The following ZNF292 variants were observed in gnomAD, a reference collection of about 807,000 sequenced individuals.
The protein encoded by ZNF292 is zinc finger protein 292.
A neutral mutation model predicts 217.9 loss-of-function variants in ZNF292; 26 were observed. That is an observed-to-expected ratio of 0.12 (90% CI 0.09 to 0.17). ZNF292 has a LOEUF of 0.17. Ranked by LOEUF, ZNF292 falls within the 10% of genes least tolerant of loss-of-function variation. ZNF292 has a pLI of 1.00. For missense variants in ZNF292, 2,904 were observed against 3,175.2 expected (o/e 0.91, Z 2.05); for synonymous variants, 1,257 against 1,124.1 (o/e 1.12, Z -2.37).
intron 7 of ZNF292, among the ~76,000 whole-genome samples, chr6:87,250,535 A>G (rs993711790): frequency 6.6e-6 from 1 of 152,216 alleles, no homozygotes; most frequent in African/African-American, 2.4e-5. Context: ...ATCTATGCAA[A>G]TGAAGTAATA....
intron 4 of ZNF292, among the ~76,000 whole-genome samples, chr6:87,221,310 AT>A (rs1400988116): frequency 6.6e-6 from 1 of 152,204 alleles, no homozygotes; most frequent in Non-Finnish European, 1.5e-5. Context: ...AATATTACTT[AT>A]GCCTCTCTTT....
chr6:87,256,754 A>G lies in ZNF292; in HGVS notation c.3125A>G (p.Asn1042Ser), dbSNP rs750172686. The change falls in exon 8 of 8, where the codon AAT (asparagine) becomes AGT (serine). Residue 1042 changes from asparagine to serine, a missense_variant. By Grantham distance (46) the Asn-to-Ser change is conservative (BLOSUM62 1). Transcript: ENST00000369577. The stretch of plus-strand genomic sequence containing the variant: ...CAAAATCAGGCAGCATTTCAAAACA[A>G]TTTACCAACTTCCAAATTTGAATGT... ...SVQNQAAFQN[N>S]LPTSKFECGD... The G allele has an allele frequency of 3.7e-6, 6 of 1,612,694 alleles. No individual in the cohort carries two copies. Among genetic ancestry groups the G allele is most frequent in the Non-Finnish European group, 5.1e-6 (6 of 1,179,812 alleles).
chr6:87,165,944 T>G (rs9362400), intron 1 of ZNF292, among the ~76,000 whole-genome samples: 95,052 of 151,606 alleles, frequency 0.63, 31,273 homozygotes, highest in African/African-American at 0.83. Flanking sequence ...TTTTAGTAGA[T>G]ACTAGGTTTC....
At position 87,261,470 on chromosome 6, in the gene ZNF292, A is replaced by G; in HGVS notation, c.7841A>G (p.His2614Arg). 6.2e-7 allele frequency: 1 copy of G among 1,604,954 alleles called. No individual in the cohort carries two copies. The highest frequency in any genetic ancestry group is 8.5e-7 in the Non-Finnish European group (1 of 1,175,096). ...VKQKKNTDKD[H>R]PNTGNKKGSH... ...CAGAAGAAAAATACTGACAAAGACCATCCGAATACTGGAAACAAAAAAGGA... is the reference window on the plus strand; with the variant it reads ...CAGAAGAAAAATACTGACAAAGACCGTCCGAATACTGGAAACAAAAAAGGA... Residue 2614 changes from histidine to arginine, a missense_variant, in exon 8 of 8, where the codon CAT becomes CGT. Physicochemically the swap from His to Arg is conservative, Grantham distance 29. Around this residue, in one of 15 missense-constraint regions of ZNF292, gnomAD observed 380 missense variants for 355.3 expected, o/e 1.07. Transcript: ENST00000369577.
chr6:87,239,872 G>C (rs1416191064), intron 5 of ZNF292, among the ~76,000 whole-genome samples: 1 of 151,694 alleles, frequency 6.6e-6, no homozygotes, highest in Non-Finnish European at 1.5e-5. Context: ...CCCAGACTGG[G>C]CAGCCGGGCA....
chr6:87,155,859 A>G, intron 1 of ZNF292, 100 bp downstream of exon 1: 2 of 1,386,870 alleles, frequency 1.4e-6, no homozygotes, highest in Non-Finnish European at 1.9e-6. Flanking sequence ...CTTCCTTGGC[A>G]TCATCGGCGC....
chr6:87,159,745 C>A (rs1052045084), intron 1 of ZNF292, among the ~76,000 whole-genome samples: 1 of 152,094 alleles, frequency 6.6e-6, no homozygotes, highest in Admixed American at 6.5e-5. Context: ...TCCCAAAGTG[C>A]TGGGATTACA....
Position 87,257,854 on chromosome 6 carries a change from G to A in ZNF292, c.4225G>A (p.Ala1409Thr), listed in dbSNP as rs1775316902. 6.2e-7 allele frequency: 1 copy of A among 1,613,876 alleles called. No homozygotes were observed. The highest frequency in any genetic ancestry group is 8.5e-7 in the Non-Finnish European group (1 of 1,179,800). Reference protein sequence around the residue: ...YCKPLDGAEIAQELLQSNGQP... With the variant: ...YCKPLDGAEITQELLQSNGQP... ...TAAACCACTGGATGGAGCCGAAATT[G>A]CTCAAGAACTTCTACAGAGTAATGG... Residue 1409 changes from alanine (A) to threonine (T), a missense_variant, in exon 8 of 8, where the codon GCT becomes ACT. Ala to Thr is a moderately conservative substitution (Grantham distance 58, BLOSUM62 0). This residue lies in a region of ZNF292 where 622 missense variants were observed against 573.1 expected (regional missense o/e 1.09). Transcript: ENST00000369577.
intron 1 of ZNF292, among the ~76,000 whole-genome samples, chr6:87,195,804 G>C (rs1054185486): frequency 2.0e-5 from 3 of 151,994 alleles, no homozygotes; most frequent in African/African-American, 2.4e-5. Flanking sequence ...GAGGCAGGTG[G>C]ATCACCTGAG....
At chr6:87,219,768 G>C (rs1456410956) in intron 4 of ZNF292, among the ~76,000 whole-genome samples, 3 of 152,126 alleles carry the variant, frequency 2.0e-5, no homozygotes, top group Non-Finnish European at 4.4e-5. Context: ...CCAAAAATTA[G>C]CTACAGTGTT....
Position 87,214,577 on chromosome 6 carries a change from G to A in ZNF292, c.169-1326G>A, listed in dbSNP as rs569024148. Among the ~76,000 whole-genome samples the A allele has an allele frequency of 5.9e-5, 9 of 152,076 alleles. No individual in the cohort carries two copies. In the South Asian group the frequency reaches 1.5e-3, roughly 25 times the overall value. On this transcript the variant is annotated intron_variant, in intron 1 of 7. Coordinates refer to ENST00000369577, the MANE Select transcript of ZNF292 (RefSeq NM_015021.3). The stretch of plus-strand genomic sequence containing the variant: ...AACTTTACTGAGAAATTTTGCTGTG[G>A]AGTTGGTTTTGGACCTAGTTGAGTA...
intron 4 of ZNF292, among the ~76,000 whole-genome samples, chr6:87,219,902 AC>A (rs1264545729): frequency 1.3e-5 from 2 of 152,152 alleles, no homozygotes; most frequent in Non-Finnish European, 1.5e-5. Flanking sequence ...ATCATGGCTC[AC>A]CGCAGCCTCA....
At chr6:87,252,161 T>G (rs1046875222) in intron 7 of ZNF292, among the ~76,000 whole-genome samples, 1 of 151,484 alleles carries the variant, frequency 6.6e-6, no homozygotes, top group African/African-American at 2.4e-5. Flanking sequence ...GTTTTTTGTG[T>G]TTTTTTTGAG....
intron 5 of ZNF292, among the ~76,000 whole-genome samples, chr6:87,234,569 A>G (rs1773808164): frequency 6.6e-6 from 1 of 152,030 alleles, no homozygotes; most frequent in South Asian, 2.1e-4. Context: ...AAAAAAAAAA[A>G]AAAATTTTTT....
chr6:87,186,751 A>G (rs1771671975), intron 1 of ZNF292, among the ~76,000 whole-genome samples: 1 of 152,242 alleles, frequency 6.6e-6, no homozygotes. Context: ...CTCAAAAAAC[A>G]GGCAGGGAAG....
rs1775490786 is a variant in ZNF292 at position 87,260,228 on chromosome 6, C to G, written c.6599C>G (p.Thr2200Ser). 1 of 1,613,632 alleles carries G rather than the reference C, an allele frequency of 6.2e-7. No homozygotes were observed. Among genetic ancestry groups the G allele is most frequent in the Non-Finnish European group, 8.5e-7 (1 of 1,179,640 alleles). Residue 2200 changes from threonine to serine, a missense_variant, in exon 8 of 8, where the codon ACT becomes AGT. This residue lies in a region of ZNF292 where 261 missense variants were observed against 272.8 expected (regional missense o/e 0.96). Transcript: ENST00000369577. The stretch of plus-strand genomic sequence containing the variant: ...CACTACATGAAACTTCATGAAATGA[C>G]TCCTGAAGAAATTGAAAGTATGACT... ...IQHYMKLHEM[T>S]PEEIESMTAS...
intron 1 of ZNF292, among the ~76,000 whole-genome samples, chr6:87,196,723 C>CA (rs1182342369): frequency 2.0e-5 from 3 of 152,138 alleles, no homozygotes; most frequent in Non-Finnish European, 4.4e-5. Flanking sequence ...CAGAACTGTG[C>CA]AAAAGCAAAG....
intron 4 of ZNF292, among the ~76,000 whole-genome samples, chr6:87,231,756 T>C (rs1773667773): frequency 6.6e-6 from 1 of 152,222 alleles, no homozygotes; most frequent in Non-Finnish European, 1.5e-5. Flanking sequence ...AAGTTATTTC[T>C]TCACCATGAT....
intron 1 of ZNF292, among the ~76,000 whole-genome samples, chr6:87,167,873 T>C (rs959492541): frequency 2.0e-5 from 3 of 152,202 alleles, no homozygotes; most frequent in Admixed American, 6.5e-5. Flanking sequence ...AAAGCAAATA[T>C]GATTATCCAG....
Sources: gnomAD v4.1 joint callset for allele counts (sites outside exome capture counted in the v4.1 genomes callset) on GRCh38, gnomAD v4.1.1 for gene constraint, gnomAD v4.1.1 regional missense constraint, MANE v1.5 for transcripts, NCBI Gene and HGNC (gene_info 2026-07-23, HGNC 2026-07-21) for gene names.